ADAMTS14: variants seen among roughly 807,000 people sequenced by gnomAD.
ADAMTS14 encodes the protein ADAM metallopeptidase with thrombospondin type 1 motif 14.
Under a neutral mutation model 128.6 loss-of-function variants are expected in ADAMTS14, and 100 were observed. The ratio of observed to expected loss-of-function variants is 0.78; its 90% CI spans 0.66 to 0.92. ADAMTS14 has a LOEUF of 0.92. Ranked by LOEUF, ADAMTS14 falls within the 40% of genes least tolerant of loss-of-function variation. The pLI, the probability that ADAMTS14 is intolerant of heterozygous loss-of-function variation, is 0.00. For missense variants in ADAMTS14, 1,562 were observed against 1,658.6 expected (o/e 0.94, Z 1.01); for synonymous variants, 665 against 653.8 (o/e 1.02, Z -0.26).
chr10:70,752,070 C>G (rs1159471024), intron 17 of ADAMTS14, 25 bp from the exon 18 acceptor site: 1 of 1,597,524 alleles, frequency 6.3e-7, no homozygotes, highest in Admixed American at 1.7e-5. Context: ...TGGACTAGGC[C>G]CACGGCAGCC....
At chr10:70,752,593 G>A (rs1463191249) in intron 18 of ADAMTS14, among the ~76,000 whole-genome samples, 2 of 152,178 alleles carry the variant, frequency 1.3e-5, no homozygotes, top group Non-Finnish European at 2.9e-5. Flanking sequence ...GAGGGCTCAT[G>A]GCCAGGCCTC....
intron 6 of ADAMTS14, among the ~76,000 whole-genome samples, chr10:70,730,517 G>A (rs1841602995): frequency 6.6e-6 from 1 of 152,220 alleles, no homozygotes; most frequent in Non-Finnish European, 1.5e-5. Flanking sequence ...TAATGTCCCA[G>A]AGCCTGGCTG....
intron 2 of ADAMTS14, among the ~76,000 whole-genome samples, chr10:70,692,515 A>G (rs1449826677): frequency 6.6e-6 from 1 of 152,202 alleles, no homozygotes; most frequent in Non-Finnish European, 1.5e-5. Flanking sequence ...GGAGAGATAC[A>G]TTATGTTTGC....
intron 5 of ADAMTS14, 41 bp downstream of exon 5, chr10:70,729,418 G>C (rs755919948): frequency 1.3e-6 from 2 of 1,535,280 alleles, no homozygotes; most frequent in East Asian, 4.5e-5. Context: ...CGGGGAGAAG[G>C]GTTGTGGGGC....
At chr10:70,729,446 A>G in intron 5 of ADAMTS14, 69 bp downstream of exon 5, 1 of 1,313,308 alleles carries the variant, frequency 7.6e-7, no homozygotes, top group East Asian at 2.3e-5. Context: ...TTGGACCAGC[A>G]ATGGTGTGGG....
intron 4 of ADAMTS14, among the ~76,000 whole-genome samples, chr10:70,718,971 C>T (rs965751430): frequency 5.3e-5 from 8 of 151,948 alleles, no homozygotes; most frequent in Non-Finnish European, 7.4e-5. Context: ...GCTGGGATTA[C>T]AGGTATGAGC....
chr10:70,740,414 A>G (rs1841958862), intron 11 of ADAMTS14, among the ~76,000 whole-genome samples: 1 of 152,242 alleles, frequency 6.6e-6, no homozygotes, highest in Non-Finnish European at 1.5e-5. Context: ...GGTGAGTAAA[A>G]TAAGAGGGAT....
At chr10:70,718,678 GC>G (rs947327186) in intron 4 of ADAMTS14, among the ~76,000 whole-genome samples, 1 of 144,054 alleles carries the variant, frequency 6.9e-6, no homozygotes, top group African/African-American at 2.6e-5. Flanking sequence ...GAGCCAGGGT[GC>G]CCAGCCTTTT....
At chr10:70,747,467 A>T (rs372081768) in intron 15 of ADAMTS14, among the ~76,000 whole-genome samples, 4 of 151,564 alleles carry the variant, frequency 2.6e-5, no homozygotes, top group Admixed American at 2.0e-4. Context: ...AATGTGCTGG[A>T]ATTAGGGGCC....
chr10:70,742,357 C>T (rs574538195), intron 12 of ADAMTS14, among the ~76,000 whole-genome samples: 84 of 149,060 alleles, frequency 5.6e-4, no homozygotes, highest in Admixed American at 1.1e-3. Context: ...TTGTGGCTTC[C>T]GTTGCTGCCT....
intron 4 of ADAMTS14, among the ~76,000 whole-genome samples, chr10:70,714,976 A>G (rs1840992924): frequency 6.6e-6 from 1 of 151,338 alleles, no homozygotes; most frequent in Non-Finnish European, 1.5e-5. Flanking sequence ...AAAAAAAGAA[A>G]CAAAACCTGG....
chr10:70,689,234 GT>G (rs1840112538), intron 2 of ADAMTS14, among the ~76,000 whole-genome samples: 1 of 144,898 alleles, frequency 6.9e-6, no homozygotes. Flanking sequence ...TCTCACAAGG[GT>G]GGTATACCCA....
chr10:70,754,357 CCAGA>C (rs1329529292), intron 19 of ADAMTS14, among the ~76,000 whole-genome samples: 1 of 152,200 alleles, frequency 6.6e-6, no homozygotes, highest in Non-Finnish European at 1.5e-5. Flanking sequence ...CTAGCATCAA[CCAGA>C]CAGAGCTGAT....
intron 4 of ADAMTS14, 31 bp from the exon 5 acceptor site, chr10:70,729,263 C>T (rs1385943135): frequency 7.6e-6 from 12 of 1,587,024 alleles, no homozygotes; most frequent in East Asian, 2.2e-5. Flanking sequence ...ATGAATGTTT[C>T]CTTCCCTTAA....
intron 2 of ADAMTS14, among the ~76,000 whole-genome samples, chr10:70,689,575 G>C (rs1256633261): frequency 6.9e-6 from 1 of 145,444 alleles, no homozygotes; most frequent in East Asian, 1.9e-4. Flanking sequence ...TTTGTTGCTG[G>C]TAATTCTAAA....
At chr10:70,692,931 G>T (rs995360823) in intron 2 of ADAMTS14, among the ~76,000 whole-genome samples, 1 of 152,158 alleles carries the variant, frequency 6.6e-6, no homozygotes, top group Non-Finnish European at 1.5e-5. Flanking sequence ...AATATCTGGG[G>T]CTGGGCAATT....
Position 70,748,738 on chromosome 10 carries a change from G to A in ADAMTS14, c.2264-1084G>A, listed in dbSNP as rs896333555. On this transcript the variant is annotated intron_variant, in intron 15 of 21. Transcript: ENST00000373207. ...TGACTGGCACATAGTTAGTGTTCTC[G>A]GATCCTTAGCTCTTATATGACAGTT... Among the ~76,000 whole-genome samples the A allele has an allele frequency of 7.9e-5, 12 of 152,176 alleles. No homozygotes were observed. In the South Asian group the frequency reaches 8.3e-4, roughly 11 times the overall value.
In ADAMTS14 at chr10:70,761,399, G is replaced by A. The variant is rs2587469; in HGVS notation, c.*546G>A. 0.6 allele frequency: 91,952 copies of A among 152,602 alleles called. 27,966 individuals carry two copies. The highest frequency in any genetic ancestry group is 0.7 in the East Asian group (3,606 of 5,172). The allele number at this position is 152,602 out of a possible 1,614,324, so 9.5% of individuals were successfully genotyped here. A position where few individuals can be genotyped will look rare whatever the true frequency, so the allele number is the denominator to read the frequency against. ...AGGGCTGGAGGGGGTGGAACACAAG[G>A]TGATCGCAGGCCCAGCTCCTGGAAG... On this transcript the variant is annotated 3_prime_UTR_variant, in exon 22 of 22. Coordinates refer to ENST00000373207, the MANE Select transcript of ADAMTS14 (RefSeq NM_080722.4).
intron 18 of ADAMTS14, among the ~76,000 whole-genome samples, chr10:70,752,430 CAG>C (rs1330482270): frequency 6.7e-6 from 1 of 149,082 alleles, no homozygotes; most frequent in Non-Finnish European, 1.5e-5. Flanking sequence ...GTCAGGAGTC[CAG>C]AGACATGGCT....
Sources: gnomAD v4.1 joint callset for allele counts (sites outside exome capture counted in the v4.1 genomes callset) on GRCh38, gnomAD v4.1.1 for gene constraint, MANE v1.5 for transcripts, NCBI Gene and HGNC (gene_info 2026-07-23, HGNC 2026-07-21) for gene names.